B3GALNT1: variants seen among roughly 807,000 people sequenced by gnomAD.
The protein encoded by B3GALNT1 is UDP-GalNAc:beta-1,3-N-acetylgalactosaminyltransferase 1.
Under a neutral mutation model 27.3 loss-of-function variants are expected in B3GALNT1, and 17 were observed. That is an observed-to-expected ratio of 0.62 (90% confidence interval 0.43 to 0.94). The LOEUF is 0.94. Ranked by LOEUF, B3GALNT1 falls within the 40% of genes least tolerant of loss-of-function variation. The probability of loss-of-function intolerance (pLI) is 0.00; values close to 1 mark genes in which losing one functional copy is unlikely to be tolerated. For synonymous variants in B3GALNT1, 141 were observed against 144.0 expected (o/e 0.98, Z 0.15); for missense variants, 347 against 390.0 (o/e 0.89, Z 0.93).
rs1383275890 is a variant in B3GALNT1 at position 161,085,897 on chromosome 3, G to A, written c.858C>T (p.Asp286=). ...LLKVNIHIPE[D]TNLFFLYRIH... The stretch of plus-strand genomic sequence containing the variant: ...TTCTATATAGAAAGAAAAGATTTGT[G>A]TCTTCTGGAATATGAATGTTCACTT... The change falls in exon 5 of 5, where the codon GAC becomes GAT. Residue 286 remains aspartate (D), a synonymous_variant. Transcript: ENST00000320474. 6.2e-7 allele frequency: 1 copy of A among 1,613,340 alleles called. No homozygotes were observed. The highest frequency in any genetic ancestry group is 8.5e-7 in the Non-Finnish European group (1 of 1,179,684).
Position 161,086,365 on chromosome 3 carries a change from T to A in B3GALNT1, c.390A>T (p.Ala130=). 2 of 1,614,162 alleles carry A rather than the reference T, an allele frequency of 1.2e-6. No homozygotes were observed. Among genetic ancestry groups the A allele is most frequent in the Non-Finnish European group, 1.7e-6 (2 of 1,180,020 alleles). The change falls in exon 5 of 5, where the codon GCA becomes GCT. Residue 130 remains alanine (A), a synonymous_variant. Coordinates refer to ENST00000320474, the MANE Select transcript of B3GALNT1 (RefSeq NM_003781.4). ...QEAEKEDKML[A]LSLEDEHLLY... Reference sequence around the variant, plus strand: ...GAAGGTGTTCATCCTCTAAGGACAATGCCAACATTTTGTCTTCCTTTTCAG... The same window carrying A: ...GAAGGTGTTCATCCTCTAAGGACAAAGCCAACATTTTGTCTTCCTTTTCAG...
chr3:161,091,651 C>A (rs1725170318), intron 4 of B3GALNT1, among the ~76,000 whole-genome samples: 1 of 152,162 alleles, frequency 6.6e-6, no homozygotes, highest in Admixed American at 6.6e-5. Flanking sequence ...GGCCCCAAGG[C>A]AGAAAAGTAG....
Position 161,101,175 on chromosome 3 carries a change from T to G in B3GALNT1, c.-71A>C. On this transcript the variant is annotated 5_prime_UTR_variant, in exon 4 of 5. Transcript: ENST00000320474. The stretch of plus-strand genomic sequence containing the variant: ...GGGTGAGTAGTCGGAGAGCACCACG[T>G]GATAGAGCAGCCAGCGGGAAGAGCC... 7.8e-7 allele frequency: 1 copy of G among 1,289,698 alleles called. No individual in the cohort carries two copies. The allele number at this position is 1,289,698 out of a possible 1,614,324, so 79.9% of individuals were successfully genotyped here.
chr3:161,092,805 C>A (rs920559416), intron 4 of B3GALNT1, among the ~76,000 whole-genome samples: 1 of 123,116 alleles, frequency 8.1e-6, no homozygotes, highest in Admixed American at 1.1e-4. Flanking sequence ...CTCGCTCTGT[C>A]GCCCAGGCTG....
At position 161,092,158 on chromosome 3, in the gene B3GALNT1, G is replaced by A. The variant is rs34759927; in HGVS notation, c.-34-5370C>T. On this transcript the variant is annotated intron_variant, in intron 4 of 4. Transcript: ENST00000320474. Reference sequence around the variant, plus strand: ...AATCAAATTTTACAAGAAATACAGAGGATAGAAAGAAAAGCTAAGGAACAT... The same window carrying A: ...AATCAAATTTTACAAGAAATACAGAAGATAGAAAGAAAAGCTAAGGAACAT... Among the ~76,000 whole-genome samples the A allele has an allele frequency of 4.3e-3, 647 of 152,082 alleles. 3 individuals carry two copies. Among genetic ancestry groups the A allele is most frequent in the African/African-American group, 0.015 (622 of 41,480 alleles).
chr3:161,099,883 G>A (rs1429064449), intron 4 of B3GALNT1, among the ~76,000 whole-genome samples: 1 of 152,000 alleles, frequency 6.6e-6, no homozygotes, highest in Non-Finnish European at 1.5e-5. Flanking sequence ...GGGCAAAGGG[G>A]GTCATAATTC....
chr3:161,092,853 G>A (rs1000090105), intron 4 of B3GALNT1, among the ~76,000 whole-genome samples: 4 of 137,900 alleles, frequency 2.9e-5, no homozygotes, highest in Non-Finnish European at 6.0e-5. Context: ...TGCGCCTCCC[G>A]GGTTCACACC....
Position 161,104,337 on chromosome 3 carries a change from A to AC in B3GALNT1, c.-240_-239insG, listed in dbSNP as rs1272374071. The AC allele has an allele frequency of 3.1e-6, 4 of 1,289,738 alleles. No homozygotes were observed. The highest frequency in any genetic ancestry group is 4.0e-6 in the Non-Finnish European group (4 of 988,850). 79.9% of individuals were successfully genotyped at this position (1,289,738 alleles called of 1,614,324 possible). ...TCCTTACCTCTGAAAACAGAAAAAA[A>AC]GACATGGTTTGGCAATTTCTTCCTT... On this transcript the variant is annotated 5_prime_UTR_variant, in exon 2 of 5. It removes the in-frame stop codon of an upstream open reading frame in the 5' UTR. Transcript: ENST00000320474.
At chr3:161,095,190 C>T (rs1727466753) in intron 4 of B3GALNT1, among the ~76,000 whole-genome samples, 1 of 152,122 alleles carries the variant, frequency 6.6e-6, no homozygotes, top group Non-Finnish European at 1.5e-5. Flanking sequence ...AGAGCCTGCA[C>T]TTACTCTGCC....
intron 4 of B3GALNT1, among the ~76,000 whole-genome samples, chr3:161,091,203 G>A (rs912487490): frequency 3.9e-5 from 6 of 152,038 alleles, no homozygotes; most frequent in East Asian, 3.9e-4. Flanking sequence ...TGGGAGGTCC[G>A]GGCTGCAGTG....
chr3:161,088,168 T>A (rs1349648366), intron 4 of B3GALNT1, among the ~76,000 whole-genome samples: 1 of 152,186 alleles, frequency 6.6e-6, no homozygotes, highest in African/African-American at 2.4e-5. Flanking sequence ...TCTTAATACA[T>A]ATGAAAATAA....
Position 161,086,307 on chromosome 3 carries a change from C to A in B3GALNT1, c.448G>T (p.Asp150Tyr), listed in dbSNP as rs1348815485. 6.2e-7 allele frequency: 1 copy of A among 1,614,022 alleles called. No individual in the cohort carries two copies. Among genetic ancestry groups the A allele is most frequent in the African/African-American group, 1.3e-5 (1 of 74,912 alleles). The stretch of plus-strand genomic sequence containing the variant: ...TTCAAGGTCAGGTTATTATATGTGT[C>A]TAAAAAATCTTGTCGGATTATGTCA... Reference protein sequence around the residue: ...YGDIIRQDFLDTYNNLTLKTI... With the variant: ...YGDIIRQDFLYTYNNLTLKTI... The change falls in exon 5 of 5, where the codon GAC (aspartate) becomes TAC (tyrosine). Residue 150 changes from aspartate (D) to tyrosine (Y), a missense_variant. Coordinates refer to ENST00000320474, the MANE Select transcript of B3GALNT1 (RefSeq NM_003781.4).
chr3:161,088,745 T>C (rs1470662228), intron 4 of B3GALNT1, among the ~76,000 whole-genome samples: 1 of 152,186 alleles, frequency 6.6e-6, no homozygotes, highest in Non-Finnish European at 1.5e-5. Context: ...CAAATCAGCA[T>C]ATTTCAACAG....
At chr3:161,101,952 T>C (rs1168698815) in intron 3 of B3GALNT1, among the ~76,000 whole-genome samples, 1 of 152,150 alleles carries the variant, frequency 6.6e-6, no homozygotes, top group Admixed American at 6.5e-5. Context: ...TGCAGGCTTG[T>C]GAAATGTTTT....
rs189859156 is a variant in B3GALNT1 at position 161,105,268 on chromosome 3, G to A, written c.-342C>T. 1.3e-5 allele frequency: 2 copies of A among 152,230 alleles called. No homozygotes were observed. Among genetic ancestry groups the A allele is most frequent in the East Asian group, 3.9e-4 (2 of 5,182 alleles). 9.4% of individuals were successfully genotyped at this position (152,230 alleles called of 1,614,324 possible). On this transcript the variant is annotated 5_prime_UTR_variant, in exon 1 of 5. Transcript: ENST00000320474. ...CTCGGCGCGCACCCAGCTCGGAAGC[G>A]GGAAGGTGGCCGGCGTTCTCTCCCT...
rs1210625936 is a variant in B3GALNT1 at position 161,084,536 on chromosome 3, CAG to C, written c.*1221_*1222del. On this transcript the variant is annotated 3_prime_UTR_variant, in exon 5 of 5. Coordinates refer to ENST00000320474, the MANE Select transcript of B3GALNT1 (RefSeq NM_003781.4). ...AAAGAAAACTGCATAAACCCAGGAA[CAG>C]GGGGCAAGGAGTGCTCCCCTTTGAC... 5 of 152,174 alleles carry C rather than the reference CAG, an allele frequency of 3.3e-5. No individual in the cohort carries two copies. The highest frequency in any genetic ancestry group is 1.2e-4 in the African/African-American group (5 of 41,450). The allele number at this position is 152,174 out of a possible 1,614,324, so 9.4% of individuals were successfully genotyped here.
At chr3:161,099,438 T>TG (rs35135198) in intron 4 of B3GALNT1, among the ~76,000 whole-genome samples, 1 of 152,162 alleles carries the variant, frequency 6.6e-6, no homozygotes, top group African/African-American at 2.4e-5. Flanking sequence ...AAGGGCAGGA[T>TG]GGGGGGCCAT....
chr3:161,091,044 G>T (rs1215741203), intron 4 of B3GALNT1, among the ~76,000 whole-genome samples: 1 of 152,086 alleles, frequency 6.6e-6, no homozygotes, highest in African/African-American at 2.4e-5. Context: ...AAGGTGGGAG[G>T]ATCACTTGAG....
Position 161,086,090 on chromosome 3 carries a change from G to A in B3GALNT1, c.665C>T (p.Thr222Ile), listed in dbSNP as rs1559963709. The A allele has an allele frequency of 6.3e-7, 1 of 1,599,616 alleles. No individual in the cohort carries two copies. Among genetic ancestry groups the A allele is most frequent in the Admixed American group, 1.7e-5 (1 of 57,872 alleles). Residue 222 changes from threonine to isoleucine, a missense_variant, in exon 5 of 5, where the codon ACC (threonine) becomes ATC (isoleucine). Thr to Ile is a moderately conservative substitution (Grantham distance 89). Coordinates refer to ENST00000320474, the MANE Select transcript of B3GALNT1 (RefSeq NM_003781.4). Reference protein sequence around the residue: ...NYSYRGFYQKTHISYQEYPFK... With the variant: ...NYSYRGFYQKIHISYQEYPFK... ...AGGATACTCCTGGTAAGAAATATGGGTTTTTTGGTAAAATCCTCTATAGGA... is the reference window on the plus strand; with the variant it reads ...AGGATACTCCTGGTAAGAAATATGGATTTTTTGGTAAAATCCTCTATAGGA...
Sources: allele counts gnomAD v4.1 joint callset (sites outside exome capture counted in the v4.1 genomes callset), GRCh38; gene constraint gnomAD v4.1.1; transcripts MANE v1.5; gene names NCBI Gene and HGNC (gene_info 2026-07-23, HGNC 2026-07-21).